SCN1A: variants seen among roughly 807,000 people sequenced by gnomAD.
SCN1A encodes sodium voltage-gated channel alpha subunit 1.
In SCN1A, 13 loss-of-function variants were observed where a neutral mutation model predicts 193.7. That is an observed-to-expected ratio of 0.07 (90% CI 0.04 to 0.11). The LOEUF (loss-of-function observed/expected upper bound fraction) is 0.11. Among genes scored for constraint, SCN1A ranks in the 10% least tolerant of loss-of-function variants. The probability of loss-of-function intolerance (pLI) is 1.00; values close to 1 mark genes in which losing one functional copy is unlikely to be tolerated. For synonymous variants in SCN1A, 781 were observed against 843.6 expected, an observed-to-expected ratio of 0.93 and a Z score of 1.29; for missense variants, 1,432 against 2,451.1, an observed-to-expected ratio of 0.58 and a Z score of 8.78.
At chr2:166,006,971 A>T (rs1254058682) in intron 23 of SCN1A, among the ~76,000 whole-genome samples, 1 of 151,332 alleles carries the variant, frequency 6.6e-6, no homozygotes, top group Admixed American at 6.6e-5. Context: ...AACTCCATAT[A>T]CACATAACTA....
intron 25 of SCN1A, chr2:165,999,003 G>A (rs774137128): frequency 2.0e-5 from 3 of 151,506 alleles, no homozygotes; most frequent in Non-Finnish European, 4.4e-5. Flanking sequence ...AAACAGATGG[G>A]ACTTGAGAAT....
intron 2 of SCN1A, among the ~76,000 whole-genome samples, chr2:166,120,262 T>G (rs1690390759): frequency 1.3e-5 from 2 of 151,658 alleles, no homozygotes; most frequent in Admixed American, 6.6e-5. Flanking sequence ...GATGTAATAT[T>G]CTATTTTTAA....
At chr2:165,995,402 G>T (rs993145881) in intron 27 of SCN1A, among the ~76,000 whole-genome samples, 4 of 150,848 alleles carry the variant, frequency 2.7e-5, no homozygotes, top group Non-Finnish European at 3.0e-5. Flanking sequence ...ATAGCAATTT[G>T]TTTATTTCAT....
rs1688921363 is a variant in SCN1A at position 165,990,013 on chromosome 2, T to C, written c.*1232A>G. The C allele has an allele frequency of 6.6e-6, 1 of 152,594 alleles. No homozygotes were observed. Among genetic ancestry groups the C allele is most frequent in the African/African-American group, 2.4e-5 (1 of 41,444 alleles). 9.5% of individuals were successfully genotyped at this position (152,594 alleles called of 1,614,324 possible). On this transcript the variant is annotated 3_prime_UTR_variant, in exon 29 of 29. Coordinates refer to ENST00000674923, the MANE Select transcript of SCN1A (RefSeq NM_001165963.4). ...AATGAGATCTGTTGAACAATTTCCT[T>C]GACTTTACCACTGACATATGGTTTC...
chr2:166,048,973 T>C (rs769387275), intron 9 of SCN1A, 24 bp from the exon 10 acceptor site: 15 of 1,429,558 alleles, frequency 1.0e-5, no homozygotes, highest in East Asian at 4.6e-5. Flanking sequence ...GAAAGTCGTA[T>C]GATGAACATT....
chr2:166,118,226 T>C (rs555860453), intron 2 of SCN1A, among the ~76,000 whole-genome samples: 2 of 149,592 alleles, frequency 1.3e-5, no homozygotes, highest in East Asian at 4.0e-4. Context: ...CACTTTTTGC[T>C]ATTCCACAGA....
At chr2:166,050,863 T>C (rs573036281) in intron 9 of SCN1A, among the ~76,000 whole-genome samples, 135 of 151,498 alleles carry the variant, frequency 8.9e-4, no homozygotes, top group Non-Finnish European at 1.5e-3. Context: ...AATATAAGAA[T>C]AAGATTTACT....
intron 19 of SCN1A, among the ~76,000 whole-genome samples, chr2:166,019,715 A>G (rs1223217638): frequency 6.6e-6 from 1 of 152,178 alleles, no homozygotes; most frequent in East Asian, 1.9e-4. Context: ...CATGTGACTT[A>G]GACCTTTGTG....
intron 4 of SCN1A, among the ~76,000 whole-genome samples, chr2:166,065,236 AT>A (rs1683709015): frequency 1.3e-5 from 2 of 152,164 alleles, no homozygotes; most frequent in Non-Finnish European, 2.9e-5. Flanking sequence ...CAGAAGTGCT[AT>A]TAAGTTTTTC....
In SCN1A at chr2:166,051,769, A is replaced by G. The variant is rs770462475; in HGVS notation, c.914T>C (p.Ile305Thr). ...NITVNYNGTL[I>T]NETVFEFDWK... ...GTCAAACTCAAAGACAGTTTCATTT[A>G]TAAGTGTACCATTATAATTCACAGT... The change falls in exon 9 of 29, where the codon ATA (isoleucine) becomes ACA (threonine). Residue 305 changes from isoleucine to threonine, a missense_variant. Physicochemically the swap from Ile to Thr is moderately conservative, Grantham distance 89. This residue lies in a region of SCN1A where 52 missense variants were observed against 59.6 expected (regional missense o/e 0.87). Transcript: ENST00000674923. 6 of 1,610,010 alleles carry G rather than the reference A, an allele frequency of 3.7e-6. No individual in the cohort carries two copies. The highest frequency in any genetic ancestry group is 3.3e-5 in the Admixed American group (2 of 59,772).
chr2:166,057,460 A>G (rs141987040), intron 5 of SCN1A, among the ~76,000 whole-genome samples: 190 of 152,138 alleles, frequency 1.2e-3, no homozygotes, highest in African/African-American at 4.3e-3. Context: ...CAGGACTAGA[A>G]TATAAGTTTC....
intron 2 of SCN1A, among the ~76,000 whole-genome samples, chr2:166,101,637 C>T (rs1688096257): frequency 6.6e-6 from 1 of 152,094 alleles, no homozygotes; most frequent in African/African-American, 2.4e-5. Flanking sequence ...GAAAAGACTC[C>T]CTGTTAAATA....
At chr2:166,118,128 T>C (rs1187080823) in intron 2 of SCN1A, among the ~76,000 whole-genome samples, 1 of 146,270 alleles carries the variant, frequency 6.8e-6, no homozygotes, top group Non-Finnish European at 1.5e-5. Flanking sequence ...ACAAAATGCC[T>C]AGGAATGAAA....
intron 12 of SCN1A, 107 bp from the exon 13 acceptor site, chr2:166,045,434 G>T: frequency 8.1e-7 from 1 of 1,239,992 alleles, no homozygotes; most frequent in Non-Finnish European, 1.2e-6. Context: ...TGAACTGACT[G>T]AAGATCATCT....
chr2:166,129,476 T>C (rs1324530705), upstream of SCN1A, among the ~76,000 whole-genome samples: 4 of 152,140 alleles, frequency 2.6e-5, no homozygotes, highest in Non-Finnish European at 5.9e-5. Context: ...AAAAACTCTA[T>C]CCAGTGCTTT....
At position 166,043,801 on chromosome 2, in the gene SCN1A, C is replaced by A; in HGVS notation, c.1911G>T (p.Ala637=). 1 of 1,614,178 alleles carries A rather than the reference C, an allele frequency of 6.2e-7. No individual in the cohort carries two copies. Among genetic ancestry groups the A allele is most frequent in the Non-Finnish European group, 8.5e-7 (1 of 1,180,036 alleles). Residue 637 remains alanine, a synonymous_variant, in exon 14 of 29, where the codon GCG becomes GCT. Transcript: ENST00000674923. ...RSSRMLAVFP[A]NGKMHSTVDC... ...CCACAGTGCTGTGCATCTTCCCATT[C>A]GCTGGAAACACTGCCAGCATCCGGG...
At chr2:166,077,442 C>A (rs1233549524) in intron 3 of SCN1A, among the ~76,000 whole-genome samples, 1 of 151,812 alleles carries the variant, frequency 6.6e-6, no homozygotes. Flanking sequence ...ACACAGATGG[C>A]AAATAAGCAT....
At chr2:165,993,510 T>C (rs1056722121) in intron 28 of SCN1A, 2 of 152,308 alleles carry the variant, frequency 1.3e-5, no homozygotes, top group Non-Finnish European at 2.9e-5. Context: ...AATGAGCTAT[T>C]GCTCATGAGG....
intron 6 of SCN1A, among the ~76,000 whole-genome samples, chr2:166,055,870 T>A (rs1210927772): frequency 6.6e-6 from 1 of 152,054 alleles, no homozygotes; most frequent in African/African-American, 2.4e-5. Context: ...CTTCTGTTAG[T>A]TTAGTCTTCA....
Sources: allele counts gnomAD v4.1 joint callset (sites outside exome capture counted in the v4.1 genomes callset), GRCh38; gene constraint gnomAD v4.1.1; regional missense constraint gnomAD v4.1.1; transcripts MANE v1.5; gene names NCBI Gene and HGNC (gene_info 2026-07-23, HGNC 2026-07-21).